The following ADAMTSL1 variants were observed in gnomAD, a reference collection of about 807,000 sequenced individuals.
ADAMTSL1 encodes ADAMTS-like protein 1.
A neutral mutation model predicts 201.8 loss-of-function variants in ADAMTSL1; 126 were observed. That is an observed-to-expected ratio of 0.62 (90% CI 0.54 to 0.72). The LOEUF (loss-of-function observed/expected upper bound fraction) is 0.72. ADAMTSL1 is among the 30% of genes least tolerant of loss of function. The pLI, the probability that ADAMTSL1 is intolerant of heterozygous loss-of-function variation, is 0.00. For synonymous variants in ADAMTSL1, 1,121 were observed against 903.4 expected (o/e 1.24, Z -4.32); for missense variants, 2,679 against 2,277.8 (o/e 1.18, Z -3.59).
At chr9:17,980,935 G>C (rs563546854) in intron 1 of ADAMTSL1, among the ~76,000 whole-genome samples, 1 of 152,108 alleles carries the variant, frequency 6.6e-6, no homozygotes, top group Non-Finnish European at 1.5e-5. Flanking sequence ...CTGGGGGAGA[G>C]AGGAGGGAAG....
chr9:18,438,945 C>A (rs947425351), intron 2 of ADAMTSL1, among the ~76,000 whole-genome samples: 1 of 152,142 alleles, frequency 6.6e-6, no homozygotes, highest in Non-Finnish European at 1.5e-5. Flanking sequence ...GTCCCCCACC[C>A]GCATTTATGC....
chr9:18,651,479 T>C (rs1481344016), intron 7 of ADAMTSL1: 2 of 152,246 alleles, frequency 1.3e-5, no homozygotes, highest in African/African-American at 4.8e-5. Flanking sequence ...TCGATGAATA[T>C]CTAAGCTACC....
At chr9:18,721,015 C>A (rs1343803857) in intron 14 of ADAMTSL1, among the ~76,000 whole-genome samples, 1 of 152,158 alleles carries the variant, frequency 6.6e-6, no homozygotes, top group Non-Finnish European at 1.5e-5. Context: ...AAGAAATGAA[C>A]CAGAATCAGA....
chr9:18,405,354 T>C (rs1187626278), intron 2 of ADAMTSL1, among the ~76,000 whole-genome samples: 1 of 152,118 alleles, frequency 6.6e-6, no homozygotes, highest in East Asian at 1.9e-4. Flanking sequence ...CTCCAGACCA[T>C]GAGGTTGGTG....
At chr9:18,881,526 A>G (rs1160802771) in intron 23 of ADAMTSL1, among the ~76,000 whole-genome samples, 1 of 152,250 alleles carries the variant, frequency 6.6e-6, no homozygotes, top group Non-Finnish European at 1.5e-5. Context: ...ATCTTTTTAT[A>G]TGAGCATGGT....
chr9:18,764,093 G>A (rs564553497), intron 16 of ADAMTSL1, among the ~76,000 whole-genome samples: 1 of 152,146 alleles, frequency 6.6e-6, no homozygotes, highest in South Asian at 2.1e-4. Flanking sequence ...GGTAGTAAGG[G>A]TATTTTACCA....
rs141847441 is a variant in ADAMTSL1 at position 18,607,100 on chromosome 9, G to A, written c.475-15143G>A. Among the ~76,000 whole-genome samples, 1,078 of 152,204 alleles carry A rather than the reference G, an allele frequency of 7.1e-3. 13 individuals carry two copies. Among genetic ancestry groups the A allele is most frequent in the African/African-American group, 0.025 (1,029 of 41,542 alleles). ...TCATTAAAAAGAATTTTGAAATTGA[G>A]GTTGGAAATCATCTGACAACTCAAT... On this transcript the variant is annotated intron_variant, in intron 4 of 28. Coordinates refer to ENST00000380548, the MANE Select transcript of ADAMTSL1 (RefSeq NM_001040272.6).
At chr9:18,667,045 G>A (rs565165488) in intron 9 of ADAMTSL1, among the ~76,000 whole-genome samples, 1 of 148,750 alleles carries the variant, frequency 6.7e-6, no homozygotes, top group African/African-American at 2.5e-5. Flanking sequence ...AGTGAAAAAA[G>A]ATCTCACTCA....
chr9:18,838,377 AC>A (rs1825460440), intron 23 of ADAMTSL1, among the ~76,000 whole-genome samples: 5 of 136,862 alleles, frequency 3.7e-5, no homozygotes, highest in African/African-American at 1.3e-4. Flanking sequence ...ACACACACAC[AC>A]ACACACACAC....
At chr9:18,657,506 C>G in intron 7 of ADAMTSL1, 133 bp from the exon 8 acceptor site, 3 of 629,078 alleles carry the variant, frequency 4.8e-6, no homozygotes, top group Non-Finnish European at 8.5e-6. Context: ...CTGCCATTGC[C>G]ACTTCTCCCG....
chr9:18,543,653 T>C (rs1231521719), intron 3 of ADAMTSL1, among the ~76,000 whole-genome samples: 2 of 151,640 alleles, frequency 1.3e-5, no homozygotes, highest in Non-Finnish European at 2.9e-5. Context: ...GGAAAAAAAA[T>C]CCTCATATTT....
At chr9:18,167,685 A>C (rs190338546) in intron 2 of ADAMTSL1, among the ~76,000 whole-genome samples, 3 of 152,106 alleles carry the variant, frequency 2.0e-5, no homozygotes, top group Admixed American at 2.0e-4. Flanking sequence ...AGTAAAATGG[A>C]ATATAACTAT....
At chr9:18,099,482 A>G (rs1824420006) in intron 1 of ADAMTSL1, among the ~76,000 whole-genome samples, 1 of 148,802 alleles carries the variant, frequency 6.7e-6, no homozygotes. Flanking sequence ...TTTTAATTTC[A>G]GAAAATTTTA....
At chr9:18,227,945 C>T (rs979327508) in intron 2 of ADAMTSL1, among the ~76,000 whole-genome samples, 1 of 152,132 alleles carries the variant, frequency 6.6e-6, no homozygotes, top group Admixed American at 6.6e-5. Flanking sequence ...TATTAAGGTT[C>T]ATTGTTTGGA....
chr9:18,768,778 G>A (rs569125409), intron 16 of ADAMTSL1, among the ~76,000 whole-genome samples: 2 of 152,266 alleles, frequency 1.3e-5, no homozygotes, highest in South Asian at 4.1e-4. Context: ...AGGCATGTTT[G>A]CTCCGGTGGG....
intron 2 of ADAMTSL1, among the ~76,000 whole-genome samples, chr9:18,419,379 G>A (rs942111280): frequency 4.3e-5 from 6 of 140,356 alleles, no homozygotes; most frequent in African/African-American, 1.5e-4. Flanking sequence ...GGACTTAATT[G>A]AACTATTTTT....
At position 18,906,876 on chromosome 9, in the gene ADAMTSL1, A is replaced by T. The variant is rs1830340593; in HGVS notation, c.5146A>T (p.Asn1716Tyr). The T allele has an allele frequency of 1.2e-6, 2 of 1,613,964 alleles. No homozygotes were observed. The highest frequency in any genetic ancestry group is 4.5e-5 in the East Asian group (2 of 44,872). ...GTGCTCCTGGGGGCCCCGGCCTGCC[A>T]ACTGGCAGCGCTGCAACATCACCCC... The part of the protein sequence containing the change: ...HLCSWGPRPA[N>Y]WQRCNITPCE... The change falls in exon 28 of 29, where the codon AAC (asparagine) becomes TAC (tyrosine). Residue 1716 changes from asparagine to tyrosine, a missense_variant. By Grantham distance (143) the Asn-to-Tyr change is moderately radical. Transcript: ENST00000380548.
At chr9:18,358,344 TAAG>T (rs930624026) in intron 2 of ADAMTSL1, among the ~76,000 whole-genome samples, 1 of 152,202 alleles carries the variant, frequency 6.6e-6, no homozygotes, top group Non-Finnish European at 1.5e-5. Context: ...GTAAGACCAT[TAAG>T]AACATTTTTG....
intron 14 of ADAMTSL1, among the ~76,000 whole-genome samples, chr9:18,721,047 G>A (rs1833326178): frequency 6.6e-6 from 1 of 152,210 alleles, no homozygotes; most frequent in African/African-American, 2.4e-5. Flanking sequence ...AAAGACTGGA[G>A]TCCTAGATTC....
Sources: gnomAD v4.1 joint callset for allele counts (sites outside exome capture counted in the v4.1 genomes callset) on GRCh38, gnomAD v4.1.1 for gene constraint, MANE v1.5 for transcripts, NCBI Gene and HGNC (gene_info 2026-07-23, HGNC 2026-07-21) for gene names.